The following CNTNAP3 variants were observed in gnomAD, a reference collection of about 807,000 sequenced individuals.
CNTNAP3 encodes the protein contactin associated protein family member 3.
A neutral mutation model predicts 92.1 loss-of-function variants in CNTNAP3; 36 were observed. That is an observed-to-expected ratio of 0.39 (90% CI 0.30 to 0.52). The LOEUF (loss-of-function observed/expected upper bound fraction) is 0.52, where lower values mean the gene tolerates loss of function less well. Among genes scored for constraint, CNTNAP3 ranks in the 20% least tolerant of loss-of-function variants. The pLI is 0.76. For missense variants in CNTNAP3, 534 were observed against 1,069.6 expected (o/e 0.50, Z 6.98); for synonymous variants, 232 against 422.3 (o/e 0.55, Z 5.53).
intron 12 of CNTNAP3, among the ~76,000 whole-genome samples, chr9:39,136,224 C>A (rs1324282953): frequency 2.0e-5 from 3 of 151,704 alleles, no homozygotes; most frequent in Non-Finnish European, 4.4e-5. Flanking sequence ...ATAGTGAAGT[C>A]GCAATATTGT....
chr9:39,100,040 G>T lies in CNTNAP3; in HGVS notation c.2866C>A (p.Pro956Thr). The change falls in exon 18 of 24, where the codon CCA (proline) becomes ACA (threonine). Residue 956 changes from proline to threonine, a missense_variant. Pro to Thr is a conservative substitution (Grantham distance 38). Transcript: ENST00000297668. The stretch of plus-strand genomic sequence containing the variant: ...GTGCTGCAGTGTCCTGCACACCCTG[G>T]CTCCACTCCTGGCGTCACTGTGGCT... Reference protein sequence around the residue: ...ERATVTPGVEPGCAGHCSTYG... With the variant: ...ERATVTPGVETGCAGHCSTYG... 6.3e-7 allele frequency: 1 copy of T among 1,586,190 alleles called. No homozygotes were observed. The highest frequency in any genetic ancestry group is 8.6e-7 in the Non-Finnish European group (1 of 1,165,784).
At chr9:39,081,158 C>T (rs1174072559) in intron 21 of CNTNAP3, among the ~76,000 whole-genome samples, 3 of 151,566 alleles carry the variant, frequency 2.0e-5, no homozygotes, top group Non-Finnish European at 4.4e-5. Context: ...GGCAATCACA[C>T]CACAATCCAG....
intron 12 of CNTNAP3, among the ~76,000 whole-genome samples, chr9:39,139,369 T>C (rs926296466): frequency 3.3e-5 from 5 of 152,226 alleles, no homozygotes; most frequent in African/African-American, 9.7e-5. Flanking sequence ...TTGGAGGTAA[T>C]TGGTATCTTA....
rs1032291253 is a variant in CNTNAP3, at chr9:39,069,145, T to C, written c.*4745A>G. Among the ~76,000 whole-genome samples the C allele has an allele frequency of 7.3e-4, 111 of 151,964 alleles. No homozygotes were observed. Among genetic ancestry groups the C allele is most frequent in the African/African-American group, 2.7e-3 (111 of 41,208 alleles). ...AAGATGAACATTGTAGATTGGAGCA[T>C]ATTATGGGAGCAAGGCAACCTGTAG... On this transcript the variant is annotated 3_prime_UTR_variant, in exon 24 of 24. Coordinates refer to ENST00000297668, the MANE Select transcript of CNTNAP3 (RefSeq NM_033655.5).
chr9:39,114,735 CTTATT>C (rs1247428162), intron 14 of CNTNAP3, among the ~76,000 whole-genome samples: 3 of 152,038 alleles, frequency 2.0e-5, no homozygotes, highest in African/African-American at 7.2e-5. Context: ...TTTAAACCAT[CTTATT>C]TTATGCTTTT....
intron 13 of CNTNAP3, among the ~76,000 whole-genome samples, chr9:39,119,567 C>T (rs940853126): frequency 6.6e-6 from 1 of 152,102 alleles, no homozygotes; most frequent in Non-Finnish European, 1.5e-5. Flanking sequence ...TCCTAATGTA[C>T]AAGTGTAAAT....
At chr9:39,109,857 A>C (rs2117911906) in intron 14 of CNTNAP3, among the ~76,000 whole-genome samples, 2 of 152,282 alleles carry the variant, frequency 1.3e-5, no homozygotes, top group South Asian at 4.2e-4. Context: ...AATAATATCT[A>C]AGTGATTATT....
chr9:39,081,282 C>T (rs1157931803), intron 21 of CNTNAP3, among the ~76,000 whole-genome samples: 1 of 151,492 alleles, frequency 6.6e-6, no homozygotes, highest in Admixed American at 6.6e-5. Flanking sequence ...CATGTAGATA[C>T]AGTTTCCTGT....
In CNTNAP3 at chr9:39,123,243, C is replaced by T. The variant is rs28559838; in HGVS notation, c.2081-4984G>A. ...CCGAGTAGCTGGGACTACAGGCGCCCGCCACCACGCCCGGCTAATTTTTTG... is the reference window on the plus strand; with the variant it reads ...CCGAGTAGCTGGGACTACAGGCGCCTGCCACCACGCCCGGCTAATTTTTTG... On this transcript the variant is annotated intron_variant, in intron 13 of 23. Coordinates refer to ENST00000297668, the MANE Select transcript of CNTNAP3 (RefSeq NM_033655.5). 0.012 allele frequency among the ~76,000 whole-genome samples: 1,803 copies of T among 151,654 alleles called. 83 individuals are homozygous for T. The East Asian group carries it at 0.14, about 11-fold the overall frequency.
In CNTNAP3 at chr9:39,068,920, T is replaced by C. The variant is rs940262557; in HGVS notation, c.*4970A>G. ...ATATTTTGTCTGGTTTGAGGTTGTT[T>C]CATGCAGGAGGGTTAGAGGGTAAAT... On this transcript the variant is annotated 3_prime_UTR_variant, in exon 24 of 24. Coordinates refer to ENST00000297668, the MANE Select transcript of CNTNAP3 (RefSeq NM_033655.5). 6.6e-6 allele frequency among the ~76,000 whole-genome samples: 1 copy of C among 152,310 alleles called. No homozygotes were observed. The highest frequency in any genetic ancestry group is 1.9e-4 in the East Asian group (1 of 5,208).
chr9:39,158,125 G>C (rs576286673), intron 9 of CNTNAP3, among the ~76,000 whole-genome samples: 1 of 128,374 alleles, frequency 7.8e-6, no homozygotes, highest in African/African-American at 3.2e-5. Context: ...TGCTCCAGAG[G>C]AGCCGAGTCT....
rs1338406226 is a variant in CNTNAP3 at position 39,065,826 on chromosome 9, TAA to T, written c.*8062_*8063del. ...TTATTTTTGCTAATTATTGAGTTGT[TAA>T]GAGTTCTTTATGAACTATATTCTGA... On this transcript the variant is annotated 3_prime_UTR_variant, in exon 24 of 24. Transcript: ENST00000297668. Among the ~76,000 whole-genome samples the T allele has an allele frequency of 6.6e-6, 1 of 152,208 alleles. No individual in the cohort carries two copies. The highest frequency in any genetic ancestry group is 1.5e-5 in the Non-Finnish European group (1 of 68,024).
At chr9:39,113,049 T>C (rs887537214) in intron 14 of CNTNAP3, among the ~76,000 whole-genome samples, 2 of 152,084 alleles carry the variant, frequency 1.3e-5, no homozygotes, top group Non-Finnish European at 2.9e-5. Flanking sequence ...TTACTGATAT[T>C]TTGGGCTAAT....
chr9:39,101,665 G>T (rs915427003), intron 17 of CNTNAP3, among the ~76,000 whole-genome samples: 7 of 149,062 alleles, frequency 4.7e-5, no homozygotes, highest in Admixed American at 4.7e-4. Context: ...GGCCGCGGGG[G>T]AGGTGCGCAG....
At chr9:39,209,681 CCCCTTCCT>C (rs1163725692) in intron 3 of CNTNAP3, among the ~76,000 whole-genome samples, 1 of 18,004 alleles carries the variant, frequency 5.6e-5, no homozygotes, top group Non-Finnish European at 1.2e-4. Context: ...CCCCCTTCTG[CCCCTTCCT>C]CCCTTCCTTC....
chr9:39,094,589 T>G (rs1488474123), intron 18 of CNTNAP3, among the ~76,000 whole-genome samples: 1 of 151,654 alleles, frequency 6.6e-6, no homozygotes. Flanking sequence ...TACCTTTATG[T>G]TGAATAGACT....
intron 13 of CNTNAP3, among the ~76,000 whole-genome samples, chr9:39,129,227 C>A (rs1821220309): frequency 6.6e-6 from 1 of 152,224 alleles, no homozygotes; most frequent in South Asian, 2.1e-4. Flanking sequence ...AGGAATAACT[C>A]AACCCTGCTA....
intron 13 of CNTNAP3, among the ~76,000 whole-genome samples, chr9:39,130,956 T>C (rs1421480058): frequency 6.6e-6 from 1 of 152,112 alleles, no homozygotes; most frequent in Non-Finnish European, 1.5e-5. Context: ...CTGTTACTTC[T>C]CACAAGTGTA....
intron 4 of CNTNAP3, among the ~76,000 whole-genome samples, chr9:39,179,337 A>ACACACACACACACACC (rs1822406956): frequency 8.6e-6 from 1 of 116,340 alleles, no homozygotes; most frequent in Admixed American, 8.4e-5. Flanking sequence ...ACACACACAC[A>ACACACACACACACACC]CACAGGCACA....
Sources: gnomAD v4.1 joint callset for allele counts (sites outside exome capture counted in the v4.1 genomes callset) on GRCh38, gnomAD v4.1.1 for gene constraint, MANE v1.5 for transcripts, NCBI Gene and HGNC (gene_info 2026-07-23, HGNC 2026-07-21) for gene names.